The following MID1 variants were observed in gnomAD, a reference collection of about 807,000 sequenced individuals.
MID1 encodes midline 1.
MID1 carries 7 observed loss-of-function variants against 40.4 expected under a neutral mutation model. The observed-to-expected ratio is 0.17, with a 90% CI of 0.10 to 0.33. The LOEUF is 0.33. Ranked by LOEUF, MID1 falls within the 10% of genes least tolerant of loss-of-function variation. MID1 has a pLI of 1.00. For missense variants in MID1, 367 were observed against 558.5 expected (o/e 0.66, Z 3.46); for synonymous variants, 229 against 221.2 (o/e 1.04, Z -0.31).
At chrX:10,720,516 T>A (rs1224861609) in intron 1 of MID1, among the ~76,000 whole-genome samples, 1 of 111,891 alleles carries the variant, frequency 8.9e-6, no homozygotes, top group African/African-American at 3.3e-5. Context: ...TCACACTAGT[T>A]AGAATGGCGA....
chrX:10,728,245 G>T (rs913229144), intron 1 of MID1, among the ~76,000 whole-genome samples: 1 of 111,210 alleles, frequency 9.0e-6, no homozygotes, highest in Non-Finnish European at 1.9e-5. Flanking sequence ...AGTTTAGGCA[G>T]AAAGATCTTC....
intron 1 of MID1, among the ~76,000 whole-genome samples, chrX:10,687,501 A>G (rs1377514913): frequency 8.9e-6 from 1 of 111,955 alleles, no homozygotes; most frequent in Non-Finnish European, 1.9e-5. Flanking sequence ...CAGGCAGCCA[A>G]ATGTAGTCCT....
chrX:10,643,732 A>G (rs1303005237), intron 1 of MID1, among the ~76,000 whole-genome samples: 4 of 111,428 alleles, frequency 3.6e-5, no homozygotes, highest in African/African-American at 1.3e-4. Flanking sequence ...ACTATTCACA[A>G]TAGCAAAGAC....
At chrX:10,694,282 G>A (rs775570743) in intron 1 of MID1, among the ~76,000 whole-genome samples, 7 of 112,122 alleles carry the variant, frequency 6.2e-5, no homozygotes, top group South Asian at 7.5e-4. Flanking sequence ...CTAAAAAGCC[G>A]TTTGTTTCTT....
intron 1 of MID1, among the ~76,000 whole-genome samples, chrX:10,657,573 TA>T (rs1396303778): frequency 3.6e-5 from 4 of 111,918 alleles, no homozygotes; most frequent in Non-Finnish European, 7.5e-5. Flanking sequence ...AGGATGAATA[TA>T]AGGGAAATTT....
At chrX:10,639,097 C>T (rs943192883) in intron 1 of MID1, among the ~76,000 whole-genome samples, 2 of 112,402 alleles carry the variant, frequency 1.8e-5, no homozygotes, top group Admixed American at 9.4e-5. Context: ...AACCAGCACA[C>T]GTCTTCTCCT....
chrX:10,480,792 T>C (rs1485571571), intron 5 of MID1, among the ~76,000 whole-genome samples: 1 of 111,558 alleles, frequency 9.0e-6, no homozygotes, highest in Non-Finnish European at 1.9e-5. Context: ...ACAAAAGGAA[T>C]TTTCCTCAAA....
chrX:10,743,611 G>A (rs916012636), intron 1 of MID1, among the ~76,000 whole-genome samples: 3 of 112,008 alleles, frequency 2.7e-5, no homozygotes, highest in African/African-American at 9.7e-5. Context: ...AAACAGAGCT[G>A]TACTGAGTGC....
intron 1 of MID1, among the ~76,000 whole-genome samples, chrX:10,714,381 G>A (rs183029635): frequency 8.9e-6 from 1 of 111,742 alleles, no homozygotes; most frequent in Non-Finnish European, 1.9e-5. Context: ...AGAGTATTGA[G>A]GACCCTCAAT....
chrX:10,548,500 G>C (rs897012456), intron 2 of MID1, among the ~76,000 whole-genome samples: 1 of 111,928 alleles, frequency 8.9e-6, no homozygotes, highest in African/African-American at 3.2e-5. Context: ...GTTTTTTCAG[G>C]ACATGAAGCA....
chrX:10,573,590 G>A (rs1569111634), intron 1 of MID1, among the ~76,000 whole-genome samples: 1 of 111,931 alleles, frequency 8.9e-6, no homozygotes, highest in Non-Finnish European at 1.9e-5. Flanking sequence ...GAGTTTTGGT[G>A]GGGACAAACA....
At chrX:10,767,754 T>A (rs1485044447) in intron 1 of MID1, among the ~76,000 whole-genome samples, 1 of 112,253 alleles carries the variant, frequency 8.9e-6, no homozygotes, top group Non-Finnish European at 1.9e-5. Context: ...AGTATGAATA[T>A]TTAAAACATT....
chrX:10,542,390 T>C (rs1933506333), intron 2 of MID1, among the ~76,000 whole-genome samples: 1 of 111,611 alleles, frequency 9.0e-6, no homozygotes, highest in South Asian at 3.7e-4. Flanking sequence ...AAAAAAAACT[T>C]ATAGTTCACG....
chrX:10,598,900 G>A (rs1346843017), intron 1 of MID1, among the ~76,000 whole-genome samples: 1 of 111,713 alleles, frequency 9.0e-6, no homozygotes, highest in African/African-American at 3.3e-5. Flanking sequence ...CTAATAAATG[G>A]GGTGTTGGTT....
intron 1 of MID1, among the ~76,000 whole-genome samples, chrX:10,825,331 T>C (rs747406722): frequency 1.0e-3 from 115 of 112,190 alleles, no homozygotes; most frequent in African/African-American, 3.6e-3. Context: ...CCTAACCCTA[T>C]GGCTGCAGCT....
At chrX:10,748,491 T>C (rs1345244682) in intron 1 of MID1, among the ~76,000 whole-genome samples, 1 of 111,888 alleles carries the variant, frequency 8.9e-6, no homozygotes, top group Admixed American at 9.5e-5. Flanking sequence ...TGTCTTTGCA[T>C]TGAGGTAAAC....
chrX:10,501,655 T>C (rs942121482), intron 3 of MID1: 18 of 723,323 alleles, frequency 2.5e-5, no homozygotes, highest in Non-Finnish European at 3.0e-5. Flanking sequence ...GAATTCAGCA[T>C]TGAGGGTCAC....
chrX:10,501,716 TG>T (rs1299657657), intron 3 of MID1, among the ~76,000 whole-genome samples: 1 of 111,975 alleles, frequency 8.9e-6, no homozygotes, highest in Non-Finnish European at 1.9e-5. Flanking sequence ...TGCAGTCCCA[TG>T]TAAGTTGCTA....
At chrX:10,758,928 A>G (rs1383904916) in intron 1 of MID1, among the ~76,000 whole-genome samples, 1 of 112,418 alleles carries the variant, frequency 8.9e-6, no homozygotes, top group Admixed American at 9.5e-5. Flanking sequence ...AAGCAAATGA[A>G]GCAAACAATT....
Sources: allele counts gnomAD v4.1 joint callset (sites outside exome capture counted in the v4.1 genomes callset), GRCh38; gene constraint gnomAD v4.1.1; transcripts MANE v1.5; gene names NCBI Gene and HGNC (gene_info 2026-07-23, HGNC 2026-07-21).